The following TAS2R1 variants were observed in gnomAD, a reference collection of about 807,000 sequenced individuals.
The protein encoded by TAS2R1 is taste 2 receptor member 1.
For synonymous variants in TAS2R1, 141 were observed against 134.2 expected (o/e 1.05, Z -0.35); for missense variants, 370 against 353.4 (o/e 1.05, Z -0.38).
rs1048639234 is a variant in TAS2R1, at chr5:9,628,886, G to T, written c.*247C>A. 13 of 360,218 alleles carry T rather than the reference G, an allele frequency of 3.6e-5. No homozygotes were observed. The highest frequency in any genetic ancestry group is 2.6e-4 in the Admixed American group (6 of 23,106). 22.3% of individuals were successfully genotyped at this position (360,218 alleles called of 1,614,324 possible). A position where few individuals can be genotyped will look rare whatever the true frequency, so the allele number is the denominator to read the frequency against. Reference sequence around the variant, plus strand: ...TCCCAATGGTAACAACTTGCACGATGATAGTACAATATCACTACCAGGATA... The same window carrying T: ...TCCCAATGGTAACAACTTGCACGATTATAGTACAATATCACTACCAGGATA... On this transcript the variant is annotated 3_prime_UTR_variant, in exon 1 of 1. Coordinates refer to ENST00000382492, the MANE Select transcript of TAS2R1 (RefSeq NM_019599.3).
the TAS2R1 span, among the ~76,000 whole-genome samples, chr5:9,893,726 A>C: frequency 6.6e-6 from 1 of 152,156 alleles, no homozygotes; most frequent in Non-Finnish European, 1.5e-5. Context: ...ACTTTTGTAC[A>C]TCTATCCTGA....
the TAS2R1 span, among the ~76,000 whole-genome samples, chr5:9,737,672 C>G: frequency 2.6e-5 from 4 of 152,150 alleles, no homozygotes; most frequent in African/African-American, 9.7e-5. Flanking sequence ...TGTGGACAAA[C>G]AGAACAGGCA....
At chr5:9,813,368 T>C in the TAS2R1 span, among the ~76,000 whole-genome samples, 1 of 152,214 alleles carries the variant, frequency 6.6e-6, no homozygotes, top group Non-Finnish European at 1.5e-5. Context: ...ACAGTAGCCC[T>C]TGCAAACTAG....
the TAS2R1 span, among the ~76,000 whole-genome samples, chr5:9,872,859 C>A: frequency 6.6e-6 from 1 of 152,162 alleles, no homozygotes; most frequent in South Asian, 2.1e-4. Flanking sequence ...GCATGTAATC[C>A]TAAAATTCGC....
At chr5:9,648,516 G>A (rs1252878712) in intron 2 of TAS2R1, among the ~76,000 whole-genome samples, 2 of 151,990 alleles carry the variant, frequency 1.3e-5, no homozygotes, top group Non-Finnish European at 2.9e-5. Flanking sequence ...GGGAACATGA[G>A]GTAGTTACCC....
chr5:9,746,309 C>T, the TAS2R1 span, among the ~76,000 whole-genome samples: 1 of 152,192 alleles, frequency 6.6e-6, no homozygotes, highest in Non-Finnish European at 1.5e-5. Context: ...CACTATTACA[C>T]TATTGCTGGG....
At chr5:9,901,816 A>T in the TAS2R1 span, among the ~76,000 whole-genome samples, 1 of 152,144 alleles carries the variant, frequency 6.6e-6, no homozygotes, top group African/African-American at 2.4e-5. Context: ...TGCTAGAAAA[A>T]TAGCTTCGGC....
the TAS2R1 span, among the ~76,000 whole-genome samples, chr5:9,792,050 T>C: frequency 6.6e-6 from 1 of 152,000 alleles, no homozygotes; most frequent in Non-Finnish European, 1.5e-5. Context: ...GACTTCGGAT[T>C]TGATTTGATT....
At chr5:9,781,833 C>CGGAG in the TAS2R1 span, among the ~76,000 whole-genome samples, 11 of 152,216 alleles carry the variant, frequency 7.2e-5, no homozygotes, top group African/African-American at 2.7e-4. Context: ...GCAGCCTCTC[C>CGGAG]ATCCATCATC....
intron 2 of TAS2R1, among the ~76,000 whole-genome samples, chr5:9,643,212 C>T (rs1332034995): frequency 6.6e-6 from 1 of 152,168 alleles, no homozygotes; most frequent in Non-Finnish European, 1.5e-5. Context: ...ACTGTGCAAA[C>T]ATCATAGAGT....
chr5:9,862,541 G>C, the TAS2R1 span, among the ~76,000 whole-genome samples: 1 of 152,150 alleles, frequency 6.6e-6, no homozygotes, highest in African/African-American at 2.4e-5. Context: ...CACTAAGTTA[G>C]AACAGGAAGG....
chr5:9,695,414 G>A (rs973246426), intron 1 of TAS2R1, among the ~76,000 whole-genome samples: 4 of 152,020 alleles, frequency 2.6e-5, no homozygotes, highest in South Asian at 2.1e-4. Context: ...ACCAACTCTC[G>A]GTAGATGGAA....
chr5:9,842,992 A>G, the TAS2R1 span, among the ~76,000 whole-genome samples: 1 of 152,116 alleles, frequency 6.6e-6, no homozygotes, highest in African/African-American at 2.4e-5. Flanking sequence ...AGAATCTAGC[A>G]TCTCTGTTCT....
the TAS2R1 span, among the ~76,000 whole-genome samples, chr5:9,740,111 G>A: frequency 1.3e-5 from 2 of 152,146 alleles, no homozygotes; most frequent in Non-Finnish European, 2.9e-5. Flanking sequence ...TAACCAAAAC[G>A]ACCTCTGGTA....
chr5:9,736,495 C>T, the TAS2R1 span, among the ~76,000 whole-genome samples: 1 of 152,156 alleles, frequency 6.6e-6, no homozygotes, highest in Non-Finnish European at 1.5e-5. Flanking sequence ...CTGTAGATGA[C>T]ATTTCAGTTT....
chr5:9,640,642 G>A (rs1166493313), intron 2 of TAS2R1, among the ~76,000 whole-genome samples: 7 of 152,088 alleles, frequency 4.6e-5, no homozygotes, highest in Admixed American at 3.3e-4. Context: ...TCAGTCAAGC[G>A]TCTATCACTG....
intron 1 of TAS2R1, among the ~76,000 whole-genome samples, chr5:9,710,780 T>C (rs925537713): frequency 6.6e-6 from 1 of 151,392 alleles, no homozygotes; most frequent in Non-Finnish European, 1.5e-5. Context: ...AATAAGTATA[T>C]GAAAAGATGC....
intron 2 of TAS2R1, among the ~76,000 whole-genome samples, chr5:9,640,939 C>G (rs1740070032): frequency 6.6e-6 from 1 of 152,164 alleles, no homozygotes. Context: ...GACCATGACA[C>G]CAGCATGGAG....
the TAS2R1 span, among the ~76,000 whole-genome samples, chr5:9,845,691 G>C: frequency 6.6e-6 from 1 of 152,216 alleles, no homozygotes; most frequent in Admixed American, 6.5e-5. Flanking sequence ...GTAATACAAT[G>C]AGTCTATTTG....
Sources: allele counts gnomAD v4.1 joint callset (sites outside exome capture counted in the v4.1 genomes callset), GRCh38; gene constraint gnomAD v4.1.1; transcripts MANE v1.5; gene names NCBI Gene and HGNC (gene_info 2026-07-23, HGNC 2026-07-21).